MTMR3: variants seen among roughly 807,000 people sequenced by gnomAD.
The protein encoded by MTMR3 is phosphatidylinositol-3,5-bisphosphate 3-phosphatase MTMR3.
Under a neutral mutation model 132.4 loss-of-function variants are expected in MTMR3, and 32 were observed. The observed-to-expected ratio is 0.24, with a 90% CI of 0.18 to 0.32. The LOEUF (loss-of-function observed/expected upper bound fraction) is 0.32. Ranked by LOEUF, MTMR3 falls within the 10% of genes least tolerant of loss-of-function variation. MTMR3 has a pLI of 1.00. For missense variants in MTMR3, 1,216 were observed against 1,489.6 expected, an observed-to-expected ratio of 0.82 and a Z score of 3.02; for synonymous variants, 556 against 550.3, an observed-to-expected ratio of 1.01 and a Z score of -0.14.
At chr22:29,896,867 T>TCACACACACACACACACACACA (rs1491465662) in intron 1 of MTMR3, among the ~76,000 whole-genome samples, 61 of 36,720 alleles carry the variant, frequency 1.7e-3, no homozygotes, top group East Asian at 6.9e-3. Flanking sequence ...AACAGGCTTG[T>TCACACACACACACACACACACA]CTCACACACA....
At chr22:29,897,743 C>T (rs2064930716) in intron 1 of MTMR3, among the ~76,000 whole-genome samples, 1 of 152,162 alleles carries the variant, frequency 6.6e-6, no homozygotes, top group Non-Finnish European at 1.5e-5. Context: ...AGCCACTGTG[C>T]CTGGCCTGTA....
chr22:29,901,434 A>G (rs1464560011), intron 1 of MTMR3, among the ~76,000 whole-genome samples: 6 of 152,176 alleles, frequency 3.9e-5, no homozygotes, highest in Admixed American at 1.3e-4. Context: ...GTATTAGAGC[A>G]ATAATTAAGA....
intron 2 of MTMR3, among the ~76,000 whole-genome samples, chr22:29,965,546 A>G (rs1431884397): frequency 6.6e-6 from 1 of 152,158 alleles, no homozygotes; most frequent in East Asian, 1.9e-4. Context: ...TTAGCCAGGC[A>G]TGGTGGCATA....
chr22:29,950,264 T>A lies in MTMR3; in HGVS notation c.-137-6772T>A, dbSNP rs140589713. ...CTTGAATGTCTGGATTTTCTATGAT[T>A]TCTGAACAACTCAGATTTAAGTATG... On this transcript the variant is annotated intron_variant, in intron 1 of 19. Coordinates refer to ENST00000401950, the MANE Select transcript of MTMR3 (RefSeq NM_021090.4). 1.7e-3 allele frequency among the ~76,000 whole-genome samples: 263 copies of A among 152,370 alleles called. 2 individuals are homozygous for A. The highest frequency in any genetic ancestry group is 5.3e-3 in the African/African-American group (219 of 41,588).
chr22:29,976,663 A>G (rs969070781), intron 3 of MTMR3, among the ~76,000 whole-genome samples: 1 of 152,168 alleles, frequency 6.6e-6, no homozygotes, highest in Non-Finnish European at 1.5e-5. Flanking sequence ...TTTTTGCACT[A>G]TTAGTATAGA....
At chr22:29,989,636 TC>T (rs2066921680) in intron 6 of MTMR3, 1 of 152,214 alleles carries the variant, frequency 6.6e-6, no homozygotes, top group Admixed American at 6.5e-5. Context: ...GTCCAGTATT[TC>T]CTCAATTAAA....
At chr22:29,896,030 C>A (rs2064888136) in intron 1 of MTMR3, among the ~76,000 whole-genome samples, 1 of 152,182 alleles carries the variant, frequency 6.6e-6, no homozygotes, top group Non-Finnish European at 1.5e-5. Flanking sequence ...CACCTTTTGG[C>A]TGGGCGTGGT....
intron 4 of MTMR3, 125 bp from the exon 5 acceptor site, chr22:29,978,811 C>G: frequency 1.3e-6 from 1 of 742,380 alleles, no homozygotes; most frequent in Non-Finnish European, 2.3e-6. Flanking sequence ...GCTTCCTTAT[C>G]TACTTATGTG....
rs371813765 is a variant in MTMR3, at chr22:30,020,182, C to T, written c.2523C>T (p.Asn841=). The change falls in exon 17 of 20, where the codon AAC becomes AAT. Residue 841 remains asparagine (N), a synonymous_variant. Transcript: ENST00000401950. ...TCCCTTTTGAGACCAGAGGACCAAA[C>T]GTGGACAGTTCTACAGACATGTTAG... ...SQVPFETRGP[N]VDSSTDMLVE... 4.3e-6 allele frequency: 7 copies of T among 1,614,056 alleles called. No homozygotes were observed. Among genetic ancestry groups the T allele is most frequent in the East Asian group, 4.5e-5 (2 of 44,890 alleles).
At chr22:30,017,471 A>G (rs2067624590) in intron 15 of MTMR3, 1 of 161,812 alleles carries the variant, frequency 6.2e-6, no homozygotes, top group Middle Eastern at 2.7e-3. Context: ...TACAGCAGGA[A>G]AATTTCCTTC....
intron 2 of MTMR3, among the ~76,000 whole-genome samples, chr22:29,957,460 G>T (rs994221823): frequency 1.5e-4 from 21 of 137,360 alleles, no homozygotes; most frequent in East Asian, 1.3e-3. Context: ...TTTATTTATT[G>T]ATATATTTTT....
At chr22:29,987,782 C>G (rs2066887028) in intron 5 of MTMR3, 1 of 152,190 alleles carries the variant, frequency 6.6e-6, no homozygotes, top group African/African-American at 2.4e-5. Context: ...ACCTCAAGCC[C>G]CATTTGGCAA....
intron 7 of MTMR3, chr22:29,993,913 G>A (rs2067011331): frequency 6.3e-6 from 1 of 157,752 alleles, no homozygotes; most frequent in Non-Finnish European, 1.4e-5. Flanking sequence ...TACTGACTTA[G>A]GAATTAGGAA....
At chr22:29,945,861 A>G (rs2065943009) in intron 1 of MTMR3, among the ~76,000 whole-genome samples, 1 of 152,172 alleles carries the variant, frequency 6.6e-6, no homozygotes, top group Admixed American at 6.5e-5. Context: ...AGCAGTCCCA[A>G]CTTGTTTAAT....
chr22:29,982,937 T>TTTTTTTTTTGTGTGTGTG (rs752531735), intron 5 of MTMR3: 1 of 146,280 alleles, frequency 6.8e-6, no homozygotes, highest in African/African-American at 2.6e-5. Context: ...AAAAGTTTGT[T>TTTTTTTTTTGTGTGTGTG]TGTGTGTGTG....
chr22:29,942,250 C>T (rs1406525974), intron 1 of MTMR3, among the ~76,000 whole-genome samples: 1 of 152,080 alleles, frequency 6.6e-6, no homozygotes. Flanking sequence ...ACCCCTAAGC[C>T]ACAAAACCAG....
intron 1 of MTMR3, among the ~76,000 whole-genome samples, chr22:29,947,066 CTTATG>C (rs2065967107): frequency 6.6e-6 from 1 of 152,118 alleles, no homozygotes; most frequent in Non-Finnish European, 1.5e-5. Flanking sequence ...TTCCAAGGTT[CTTATG>C]TTTCCAGCAT....
At chr22:29,892,076 C>T (rs2064810537) in intron 1 of MTMR3, among the ~76,000 whole-genome samples, 1 of 151,860 alleles carries the variant, frequency 6.6e-6, no homozygotes, top group Non-Finnish European at 1.5e-5. Flanking sequence ...TCTCTTGAAC[C>T]CAGGAGGCGG....
chr22:29,915,583 G>A (rs1241795037), intron 1 of MTMR3, among the ~76,000 whole-genome samples: 3 of 151,984 alleles, frequency 2.0e-5, no homozygotes, highest in East Asian at 1.9e-4. Flanking sequence ...CACCATGCCC[G>A]GCTAATTTTT....
Sources: gnomAD v4.1 joint callset for allele counts (sites outside exome capture counted in the v4.1 genomes callset) on GRCh38, gnomAD v4.1.1 for gene constraint, MANE v1.5 for transcripts, NCBI Gene and HGNC (gene_info 2026-07-23, HGNC 2026-07-21) for gene names.